Variants in TLN2 observed in about 807,000 individuals in gnomAD.
TLN2 encodes the protein talin-2.
Under a neutral mutation model 294.7 loss-of-function variants are expected in TLN2, and 118 were observed. The observed-to-expected ratio is 0.40, with a 90% CI of 0.34 to 0.47. The LOEUF (loss-of-function observed/expected upper bound fraction) is 0.47, where lower values mean the gene tolerates loss of function less well. Ranked by LOEUF, TLN2 falls within the 20% of genes least tolerant of loss-of-function variation. TLN2 has a pLI of 0.84. For missense variants in TLN2, 3,083 were observed against 3,282.2 expected (o/e 0.94, Z 1.48); for synonymous variants, 1,431 against 1,304.5 (o/e 1.10, Z -2.09).
In TLN2 at chr15:62,574,495, T is replaced by C. The variant is rs186405898; in HGVS notation, c.-237-15192T>C. ...ACTCAGGAGACTAAGGTGGGAGGAG[T>C]GTTTGAGCCCAGGTGTTTGTGGTTA... On this transcript the variant is annotated intron_variant, in intron 1 of 58. Coordinates refer to ENST00000636159, the MANE Select transcript of TLN2 (RefSeq NM_015059.3). Among the ~76,000 whole-genome samples, 456 of 141,170 alleles carry C rather than the reference T, an allele frequency of 3.2e-3. 1 individual carries two copies. The highest frequency in any genetic ancestry group is 0.012 in the African/African-American group (433 of 36,736). 92.6% of individuals were successfully genotyped at this position (141,170 alleles called of 152,430 possible). A position where few individuals can be genotyped will look rare whatever the true frequency, so the allele number is the denominator to read the frequency against.
intron 1 of TLN2, among the ~76,000 whole-genome samples, chr15:62,482,581 A>T (rs563401237): frequency 6.7e-6 from 1 of 149,978 alleles, no homozygotes; most frequent in East Asian, 2.0e-4. Flanking sequence ...CAGCCTGGAC[A>T]ACAAGAGTAA....
intron 1 of TLN2, among the ~76,000 whole-genome samples, chr15:62,397,766 C>A (rs1232726409): frequency 6.6e-6 from 1 of 152,104 alleles, no homozygotes; most frequent in Admixed American, 6.5e-5. Flanking sequence ...TTTCAGATTC[C>A]TTTGGTCCTT....
chr15:62,561,741 C>G (rs1596135522), intron 1 of TLN2, among the ~76,000 whole-genome samples: 1 of 152,090 alleles, frequency 6.6e-6, no homozygotes, highest in South Asian at 2.1e-4. Flanking sequence ...GTCTTCAGAC[C>G]CCACCCTGGC....
intron 1 of TLN2, among the ~76,000 whole-genome samples, chr15:62,560,174 C>T (rs1244307268): frequency 6.6e-6 from 1 of 152,212 alleles, no homozygotes; most frequent in African/African-American, 2.4e-5. Flanking sequence ...AAACACATCT[C>T]TTACATTATT....
chr15:62,835,909 G>A lies in TLN2; in HGVS notation c.7210G>A (p.Ala2404Thr). The A allele has an allele frequency of 6.2e-7, 1 of 1,614,224 alleles. No homozygotes were observed. Among genetic ancestry groups the A allele is most frequent in the Admixed American group, 1.7e-5 (1 of 60,032 alleles). ...TCCCCAGGCCCGGATGGTGGCGGCTGCGACCAGCAGTCTCTGTGAGGCGGC... is the reference window on the plus strand; with the variant it reads ...TCCCCAGGCCCGGATGGTGGCGGCTACGACCAGCAGTCTCTGTGAGGCGGC... ...LISAARMVAA[A>T]TSSLCEAANA... The change falls in exon 57 of 59, where the codon GCG becomes ACG. Residue 2404 changes from alanine to threonine, a missense_variant. Coordinates refer to ENST00000636159, the MANE Select transcript of TLN2 (RefSeq NM_015059.3).
chr15:62,826,364 G>A (rs183897113), intron 54 of TLN2, among the ~76,000 whole-genome samples: 50 of 152,276 alleles, frequency 3.3e-4, no homozygotes, highest in African/African-American at 1.1e-3. Flanking sequence ...ATGAACTCGC[G>A]CGTATTCCTC....
intron 5 of TLN2, 91 bp from the exon 6 acceptor site, chr15:62,651,914 T>C: frequency 7.1e-7 from 1 of 1,400,356 alleles, no homozygotes. Flanking sequence ...TACTCTGATT[T>C]TTTTAAAATT....
At chr15:62,689,132 TTG>T (rs1247550869) in intron 12 of TLN2, among the ~76,000 whole-genome samples, 1 of 151,830 alleles carries the variant, frequency 6.6e-6, no homozygotes, top group Non-Finnish European at 1.5e-5. Context: ...TTTGTTTGCT[TTG>T]TGTGTTACGT....
rs547506569 is a variant in TLN2, at chr15:62,471,132, C to T, written c.-238+80447C>T. Among the ~76,000 whole-genome samples the T allele has an allele frequency of 7.9e-5, 12 of 152,224 alleles. No individual in the cohort carries two copies. In the South Asian group the frequency reaches 8.3e-4, roughly 11 times the overall value. On this transcript the variant is annotated intron_variant, in intron 1 of 58. Transcript: ENST00000636159. ...GGCTGAAGCAGGAGGATGGCTTGAG[C>T]CCAGAAGTTCCAGAAGAGCCTGAGC...
chr15:62,754,008 G>A (rs2062083543), intron 36 of TLN2, 92 bp downstream of exon 36: 1 of 1,367,714 alleles, frequency 7.3e-7, no homozygotes, highest in South Asian at 2.1e-5. Flanking sequence ...AAAGAATCTT[G>A]TTCTTTCAGA....
intron 55 of TLN2, chr15:62,834,952 A>G (rs1208287156): frequency 6.6e-6 from 1 of 152,240 alleles, no homozygotes; most frequent in Non-Finnish European, 1.5e-5. Context: ...AAGGAGGTTC[A>G]GCCAGACTTG....
At chr15:62,691,034 G>GGGAGACCGTA (rs1429877616) in intron 12 of TLN2, among the ~76,000 whole-genome samples, 3 of 34,646 alleles carry the variant, frequency 8.7e-5, no homozygotes, top group Non-Finnish European at 8.5e-5. Context: ...CCGTGGGAGA[G>GGGAGACCGTA]GGAGAGGGAG....
At chr15:62,571,677 A>G (rs571703999) in intron 1 of TLN2, among the ~76,000 whole-genome samples, 24 of 152,202 alleles carry the variant, frequency 1.6e-4, no homozygotes, top group African/African-American at 4.8e-4. Flanking sequence ...CTTATCTCCA[A>G]TTTTCAATGC....
In TLN2 at chr15:62,838,903, A is replaced by G. The variant is rs1262882469; in HGVS notation, c.7422A>G (p.Ala2474=). 1 of 1,611,834 alleles carries G rather than the reference A, an allele frequency of 6.2e-7. No individual in the cohort carries two copies. The highest frequency in any genetic ancestry group is 1.4e-5 in the African/African-American group (1 of 72,892). ...VKRASDNLVR[A]AQKAAFGKAD... ...GAGCCTCAGACAATCTTGTCCGTGCAGCCCAGAAGGCAGCTTTTGGCAAAG... is the reference window on the plus strand; with the variant it reads ...GAGCCTCAGACAATCTTGTCCGTGCGGCCCAGAAGGCAGCTTTTGGCAAAG... The change falls in exon 58 of 59, where the codon GCA becomes GCG. Residue 2474 remains alanine (A), a synonymous_variant. Transcript: ENST00000636159.
chr15:62,466,283 A>C (rs1399317026), intron 1 of TLN2, among the ~76,000 whole-genome samples: 1 of 152,240 alleles, frequency 6.6e-6, no homozygotes. Context: ...AGCCTATCAG[A>C]GAACGAACTA....
chr15:62,503,162 ATTC>A (rs1035714878), intron 1 of TLN2, among the ~76,000 whole-genome samples: 21 of 152,312 alleles, frequency 1.4e-4, no homozygotes, highest in African/African-American at 5.1e-4. Context: ...TACATCTATT[ATTC>A]TTTATTATAA....
chr15:62,596,282 G>GAAAAAAAAAAA, intron 2 of TLN2, among the ~76,000 whole-genome samples: 1 of 112,974 alleles, frequency 8.9e-6, no homozygotes, highest in African/African-American at 3.3e-5. Context: ...AAAAAAAAAG[G>GAAAAAAAAAAA]TATTCTTGAA....
intron 1 of TLN2, among the ~76,000 whole-genome samples, chr15:62,576,497 A>AT (rs1277779223): frequency 1.3e-5 from 2 of 151,778 alleles, no homozygotes; most frequent in African/African-American, 4.8e-5. Flanking sequence ...TAGACTGGCC[A>AT]TCTCATCCAA....
At chr15:62,743,418 A>T (rs80353968) in intron 32 of TLN2, among the ~76,000 whole-genome samples, 5 of 152,088 alleles carry the variant, frequency 3.3e-5, no homozygotes, top group African/African-American at 1.2e-4. Flanking sequence ...TGGAGAAAAA[A>T]GTAGAGGATG....
Sources: gnomAD v4.1 joint callset for allele counts (sites outside exome capture counted in the v4.1 genomes callset) on GRCh38, gnomAD v4.1.1 for gene constraint, MANE v1.5 for transcripts, NCBI Gene and HGNC (gene_info 2026-07-23, HGNC 2026-07-21) for gene names.